INAVA: variants seen among roughly 807,000 people sequenced by gnomAD.
INAVA encodes the protein innate immunity activator protein.
INAVA carries 32 observed loss-of-function variants against 55.3 expected under a neutral mutation model. The ratio of observed to expected loss-of-function variants is 0.58; its 90% CI spans 0.44 to 0.78. The LOEUF (loss-of-function observed/expected upper bound fraction) is 0.78, where lower values mean the gene tolerates loss of function less well. Among genes scored for constraint, INAVA ranks in the 30% least tolerant of loss-of-function variants. The pLI is 0.00. For synonymous variants in INAVA, 294 were observed against 329.4 expected (o/e 0.89, Z 1.16); for missense variants, 756 against 786.4 (o/e 0.96, Z 0.46).
chr1:200,911,769 C>T lies in INAVA; in HGVS notation c.1276C>T (p.Leu426=), dbSNP rs759653075. ...RELVAHHPKL[L]LPPGYFPAGR... ...GCTGGTCGCCCACCACCCCAAGCTACTGCTGCCGCCTGGCTATTTCCCGGC... is the reference window on the plus strand; with the variant it reads ...GCTGGTCGCCCACCACCCCAAGCTATTGCTGCCGCCTGGCTATTTCCCGGC... The change falls in exon 9 of 10, where the codon CTG becomes TTG. Residue 426 remains leucine (L), a synonymous_variant. Coordinates refer to ENST00000413687, the MANE Select transcript of INAVA (RefSeq NM_001142569.3). 9.9e-6 allele frequency: 16 copies of T among 1,611,424 alleles called. No homozygotes were observed. The African/African-American group carries it at 2.0e-4, about 20-fold the overall frequency.
intron 9 of INAVA, 150 bp downstream of exon 9, chr1:200,912,287 A>C: frequency 1.2e-6 from 1 of 822,732 alleles, no homozygotes; most frequent in East Asian, 2.8e-5. Context: ...CAGGCCAAAA[A>C]ATCATTTCCT....
intron 7 of INAVA, 107 bp downstream of exon 7, chr1:200,909,047 G>C: frequency 7.4e-7 from 1 of 1,342,928 alleles, no homozygotes; most frequent in Non-Finnish European, 1.0e-6. Context: ...AAAGGTGGAG[G>C]AGAGAGCTCC....
chr1:200,909,371 G>T lies in INAVA; in HGVS notation c.933G>T (p.Gly311=), dbSNP rs1229431286. ...TSAPATPEIQ[G]RRGQSQSLRV... is the part of the protein sequence containing the mutation. ...CCCCAGCCACCCCTGAGATACAGGG[G>T]AGGAGGGGCCAGTCGCAGTCTCTGA... Residue 311 remains glycine, a synonymous_variant, in exon 8 of 10, where the codon GGG becomes GGT. Coordinates refer to ENST00000413687, the MANE Select transcript of INAVA (RefSeq NM_001142569.3). 3 of 1,606,382 alleles carry T rather than the reference G, an allele frequency of 1.9e-6. No individual in the cohort carries two copies. Among genetic ancestry groups the T allele is most frequent in the Non-Finnish European group, 2.6e-6 (3 of 1,175,660 alleles).
At chr1:200,901,684 A>C (rs943157094) in intron 5 of INAVA, among the ~76,000 whole-genome samples, 1 of 152,208 alleles carries the variant, frequency 6.6e-6, no homozygotes, top group African/African-American at 2.4e-5. Flanking sequence ...GGAGATGTTC[A>C]GGTTGAAATC....
At position 200,900,888 on chromosome 1, in the gene INAVA, C is replaced by T. The variant is rs757418030; in HGVS notation, c.298-49C>T. On this transcript the variant is annotated intron_variant, in intron 4 of 9. Coordinates refer to ENST00000413687, the MANE Select transcript of INAVA (RefSeq NM_001142569.3). ...CAGGGCTGCTGTCCACCCTCTGGGC[C>T]CCCAATCTCCCTGCCTCTCTCTAGC... The T allele has an allele frequency of 2.2e-5, 31 of 1,430,062 alleles. No individual in the cohort carries two copies. The South Asian group carries it at 4.1e-4, about 19-fold the overall frequency. 88.6% of individuals were successfully genotyped at this position (1,430,062 alleles called of 1,614,324 possible). A position where few individuals can be genotyped will look rare whatever the true frequency, so the allele number is the denominator to read the frequency against.
rs1328226851 is a variant in INAVA at position 200,901,178 on chromosome 1, G to A, written c.520+19G>A. ...GGCCGAGGTGAGCCGGCTGCCCTGAGGGGGGCCATGCTCCTTAAATGAGCT... is the reference window on the plus strand; with the variant it reads ...GGCCGAGGTGAGCCGGCTGCCCTGAAGGGGGCCATGCTCCTTAAATGAGCT... On this transcript the variant is annotated intron_variant, in intron 5 of 9. Transcript: ENST00000413687. 2 of 1,487,382 alleles carry A rather than the reference G, an allele frequency of 1.3e-6. No homozygotes were observed. Among genetic ancestry groups the A allele is most frequent in the Admixed American group, 2.1e-5 (1 of 46,636 alleles). The allele number at this position is 1,487,382 out of a possible 1,614,324, so 92.1% of individuals were successfully genotyped here.
chr1:200,901,920 T>G (rs1182497101), intron 5 of INAVA, among the ~76,000 whole-genome samples: 1 of 152,172 alleles, frequency 6.6e-6, no homozygotes, highest in Non-Finnish European at 1.5e-5. Context: ...TTCCAACAGG[T>G]GGTTCTGAGC....
At position 200,911,961 on chromosome 1, in the gene INAVA, C is replaced by G; in HGVS notation, c.1468C>G (p.Pro490Ala). ...GCGGACGCCCTCCCTGAAGGACAGC[C>G]CGGCAGGCCGGGGGCTCAGCAAGGC... ...IVRTPSLKDSPAGRGLSKAAV... is the reference protein window; with the variant it reads ...IVRTPSLKDSAAGRGLSKAAV... Residue 490 changes from proline (P) to alanine (A), a missense_variant, in exon 9 of 10, where the codon CCG becomes GCG. By Grantham distance (27) the Pro-to-Ala change is conservative (BLOSUM62 -1). Coordinates refer to ENST00000413687, the MANE Select transcript of INAVA (RefSeq NM_001142569.3). 6.5e-7 allele frequency: 1 copy of G among 1,536,798 alleles called. No individual in the cohort carries two copies. The highest frequency in any genetic ancestry group is 8.7e-7 in the Non-Finnish European group (1 of 1,146,612).
At chr1:200,907,990 C>A in intron 6 of INAVA, 103 bp downstream of exon 6, 1 of 934,542 alleles carries the variant, frequency 1.1e-6, no homozygotes, top group Non-Finnish European at 1.7e-6. Flanking sequence ...GGAGTGAAGG[C>A]TAGGGTGCCA....
At chr1:200,896,162 CAA>C (rs1341372679) in intron 1 of INAVA, among the ~76,000 whole-genome samples, 1 of 152,130 alleles carries the variant, frequency 6.6e-6, no homozygotes, top group African/African-American at 2.4e-5. Flanking sequence ...TGAGTTGGCC[CAA>C]CTTTCCAAGG....
At chr1:200,898,974 G>A (rs978571230) in intron 2 of INAVA, among the ~76,000 whole-genome samples, 3 of 152,128 alleles carry the variant, frequency 2.0e-5, no homozygotes, top group East Asian at 1.9e-4. Context: ...GCAAGACTCC[G>A]TCTCAAAAAA....
chr1:200,898,872 G>A (rs1009248535), intron 2 of INAVA, among the ~76,000 whole-genome samples: 1 of 143,260 alleles, frequency 7.0e-6, no homozygotes, highest in African/African-American at 2.4e-5. Context: ...CCAGCTATGT[G>A]GGAGGCTGAG....
intron 1 of INAVA, among the ~76,000 whole-genome samples, chr1:200,896,209 G>A (rs969622412): frequency 1.3e-5 from 2 of 152,140 alleles, no homozygotes; most frequent in Non-Finnish European, 2.9e-5. Context: ...ATTAGCAAGC[G>A]TGACTAATTA....
In INAVA at chr1:200,913,682, C is replaced by T. The variant is rs1653840753; in HGVS notation, c.*53C>T. On this transcript the variant is annotated 3_prime_UTR_variant, in exon 10 of 10. Transcript: ENST00000413687. ...TTTCATAGAGGGGCTGGGCTGAGAC[C>T]CCCCCACCCCTGAGTGCCTCTTTCA... is the stretch of plus-strand genomic sequence containing the variant. The T allele has an allele frequency of 3.5e-6, 5 of 1,444,608 alleles. No homozygotes were observed. In the East Asian group the frequency reaches 1.1e-4, roughly 33 times the overall value. 89.5% of individuals were successfully genotyped at this position (1,444,608 alleles called of 1,614,324 possible). A position where few individuals can be genotyped will look rare whatever the true frequency, so the allele number is the denominator to read the frequency against.
chr1:200,898,161 C>A, intron 1 of INAVA, 146 bp from the exon 2 acceptor site: 1 of 814,658 alleles, frequency 1.2e-6, no homozygotes, highest in Non-Finnish European at 1.9e-6. Context: ...GGTCAGCACC[C>A]CCAGTGCCAG....
At chr1:200,906,200 A>AG (rs1256660243) in intron 5 of INAVA, 5 of 152,184 alleles carry the variant, frequency 3.3e-5, no homozygotes, top group African/African-American at 1.2e-4. Flanking sequence ...AGTTCCATCC[A>AG]GGTCACTTTA....
chr1:200,900,799 T>G, intron 4 of INAVA, 138 bp from the exon 5 acceptor site: 1 of 607,850 alleles, frequency 1.6e-6, no homozygotes, highest in Non-Finnish European at 2.8e-6. Context: ...CGTCCGTCCA[T>G]TGGTGCTGCT....
At chr1:200,895,341 TGG>T (rs1278343432) in intron 1 of INAVA, among the ~76,000 whole-genome samples, 1 of 151,992 alleles carries the variant, frequency 6.6e-6, no homozygotes, top group Non-Finnish European at 1.5e-5. Context: ...GACCTGGCTT[TGG>T]GGGACACACT....
Position 200,908,831 on chromosome 1 carries a change from G to C in INAVA, c.676G>C (p.Ala226Pro). The C allele has an allele frequency of 6.2e-7, 1 of 1,614,014 alleles. No individual in the cohort carries two copies. Reference protein sequence around the residue: ...LEGLQPTGPEAGSPERAPVQN... With the variant: ...LEGLQPTGPEPGSPERAPVQN... ...GGGTCTGCAGCCAACAGGACCTGAG[G>C]CTGGGAGCCCAGAACGGGCTCCAGT... is the stretch of plus-strand genomic sequence containing the variant. Residue 226 changes from alanine (A) to proline (P), a missense_variant, in exon 7 of 10, where the codon GCT (alanine) becomes CCT (proline). By Grantham distance (27) the Ala-to-Pro change is conservative (BLOSUM62 -1). This residue lies in a region of INAVA where 639 missense variants were observed against 624.3 expected (regional missense o/e 1.02). Coordinates refer to ENST00000413687, the MANE Select transcript of INAVA (RefSeq NM_001142569.3).
Sources: gnomAD v4.1 joint callset for allele counts (sites outside exome capture counted in the v4.1 genomes callset) on GRCh38, gnomAD v4.1.1 for gene constraint, gnomAD v4.1.1 regional missense constraint, MANE v1.5 for transcripts, NCBI Gene and HGNC (gene_info 2026-07-23, HGNC 2026-07-21) for gene names.